Variants in MAST2 observed in about 807,000 individuals in gnomAD.
MAST2 encodes microtubule-associated serine/threonine-protein kinase 2.
A neutral mutation model predicts 147.4 loss-of-function variants in MAST2; 70 were observed. The ratio of observed to expected loss-of-function variants is 0.47; its 90% CI spans 0.39 to 0.58. MAST2 has a LOEUF of 0.58. Among genes scored for constraint, MAST2 ranks in the 20% least tolerant of loss-of-function variants. The probability of loss-of-function intolerance (pLI) is 0.00; values close to 1 mark genes in which losing one functional copy is unlikely to be tolerated. For synonymous variants in MAST2, 869 were observed against 896.8 expected (o/e 0.97, Z 0.55); for missense variants, 2,080 against 2,302.3 (o/e 0.90, Z 1.98).
chr1:45,940,920 A>G (rs971983510), intron 4 of MAST2, among the ~76,000 whole-genome samples: 1 of 152,110 alleles, frequency 6.6e-6, no homozygotes, highest in South Asian at 2.1e-4. Flanking sequence ...CGCCTGGCCT[A>G]TGAGGATTTT....
intron 5 of MAST2, among the ~76,000 whole-genome samples, chr1:45,966,006 A>G (rs1267179868): frequency 6.6e-6 from 1 of 152,224 alleles, no homozygotes; most frequent in Admixed American, 6.5e-5. Context: ...CCTAAAAATT[A>G]TCTGTGCTCT....
chr1:45,975,623 G>A (rs930845482), intron 5 of MAST2, among the ~76,000 whole-genome samples: 7 of 150,832 alleles, frequency 4.6e-5, no homozygotes, highest in South Asian at 2.1e-4. Flanking sequence ...AGTAAGCCGC[G>A]GTCACGCCAC....
chr1:45,960,010 A>G (rs903057542), intron 5 of MAST2, among the ~76,000 whole-genome samples: 2 of 152,104 alleles, frequency 1.3e-5, no homozygotes, highest in Non-Finnish European at 2.9e-5. Flanking sequence ...GGCTCGAGTG[A>G]TCCTCCCACC....
At chr1:45,838,074 C>T (rs886939559) in intron 3 of MAST2, among the ~76,000 whole-genome samples, 3 of 151,914 alleles carry the variant, frequency 2.0e-5, no homozygotes, top group Non-Finnish European at 2.9e-5. Context: ...CCACCGCACC[C>T]GGCTATCATT....
At chr1:46,024,728 G>A (rs1273757772) in intron 15 of MAST2, among the ~76,000 whole-genome samples, 1 of 152,164 alleles carries the variant, frequency 6.6e-6, no homozygotes, top group Non-Finnish European at 1.5e-5. Context: ...AAAAGTAATT[G>A]CATGTTTGCC....
At chr1:45,947,550 C>T (rs1658248361) in intron 4 of MAST2, among the ~76,000 whole-genome samples, 1 of 152,026 alleles carries the variant, frequency 6.6e-6, no homozygotes, top group African/African-American at 2.4e-5. Flanking sequence ...GGACCCAAAT[C>T]AGAGAGAGAA....
chr1:45,929,173 ATTAAC>A (rs1654883969), intron 4 of MAST2, among the ~76,000 whole-genome samples: 1 of 152,070 alleles, frequency 6.6e-6, no homozygotes, highest in Non-Finnish European at 1.5e-5. Flanking sequence ...CCTTCCCTTT[ATTAAC>A]TACAGTACTT....
chr1:45,959,473 C>A lies in MAST2; in HGVS notation c.588C>A (p.His196Gln). The A allele has an allele frequency of 6.2e-7, 1 of 1,613,164 alleles. No homozygotes were observed. The highest frequency in any genetic ancestry group is 8.5e-7 in the Non-Finnish European group (1 of 1,179,360). The change falls in exon 5 of 29, where the codon CAC becomes CAA. Residue 196 changes from histidine to glutamine, a missense_variant. His to Gln is a conservative substitution (Grantham distance 24, BLOSUM62 0). Coordinates refer to ENST00000361297, the MANE Select transcript of MAST2 (RefSeq NM_015112.3). ...LPRPHSPLHG[H>Q]TGNSPLDSPR... ...GGCCACACTCACCACTCCATGGCCA[C>A]ACAGGTGAGTGCTTGAAGGTTAAGA...
chr1:45,863,108 A>C (rs1404363531), intron 3 of MAST2, among the ~76,000 whole-genome samples: 1 of 152,224 alleles, frequency 6.6e-6, no homozygotes, highest in Non-Finnish European at 1.5e-5. Context: ...TTCTTGAATT[A>C]GTAAATGAAT....
intron 9 of MAST2, among the ~76,000 whole-genome samples, chr1:46,008,630 TATC>T (rs1232436741): frequency 6.6e-6 from 1 of 152,012 alleles, no homozygotes; most frequent in Non-Finnish European, 1.5e-5. Context: ...GAAGTAGAGT[TATC>T]CAGAGGGGAA....
chr1:46,009,734 C>T (rs544486555), intron 9 of MAST2, among the ~76,000 whole-genome samples: 1 of 152,212 alleles, frequency 6.6e-6, no homozygotes, highest in Admixed American at 6.5e-5. Flanking sequence ...GTTAAGATTC[C>T]TTCACTTCCT....
chr1:46,022,113 G>T (rs1454475733), intron 12 of MAST2, 31 bp downstream of exon 12: 2 of 1,611,444 alleles, frequency 1.2e-6, no homozygotes, highest in Non-Finnish European at 1.7e-6. Flanking sequence ...CTGCAAAGAG[G>T]CCCCACTGCT....
chr1:45,871,803 G>T (rs1453386726), intron 3 of MAST2, among the ~76,000 whole-genome samples: 1 of 152,186 alleles, frequency 6.6e-6, no homozygotes, highest in African/African-American at 2.4e-5. Flanking sequence ...AGCCCAAGCA[G>T]TGTTATTTAT....
At chr1:45,806,998 A>G (rs1218382292) in intron 1 of MAST2, among the ~76,000 whole-genome samples, 2 of 152,178 alleles carry the variant, frequency 1.3e-5, no homozygotes, top group Non-Finnish European at 2.9e-5. Flanking sequence ...ATGAGTGCCC[A>G]GTTTGTTTTT....
intron 5 of MAST2, among the ~76,000 whole-genome samples, chr1:45,989,870 C>A (rs1386176006): frequency 6.6e-6 from 1 of 152,156 alleles, no homozygotes; most frequent in Non-Finnish European, 1.5e-5. Context: ...TTTCACTTAG[C>A]AATATGCCTT....
At chr1:45,990,347 G>A (rs930980870) in intron 5 of MAST2, among the ~76,000 whole-genome samples, 3 of 152,070 alleles carry the variant, frequency 2.0e-5, no homozygotes, top group Non-Finnish European at 2.9e-5. Context: ...TCTTTGGTGA[G>A]GTGGCTGTTC....
chr1:45,959,744 CTCTGTTCTAG>C (rs902607695), intron 5 of MAST2, among the ~76,000 whole-genome samples: 3 of 152,018 alleles, frequency 2.0e-5, no homozygotes, highest in Admixed American at 6.6e-5. Flanking sequence ...GGTTTATGGC[CTCTGTTCTAG>C]TGTGTTCTAG....
At position 46,013,815 on chromosome 1, in the gene MAST2, A is replaced by G. The variant is rs531120226; in HGVS notation, c.1188+2876A>G. Among the ~76,000 whole-genome samples, 11 of 152,322 alleles carry G rather than the reference A, an allele frequency of 7.2e-5. No homozygotes were observed. In the South Asian group the frequency reaches 2.3e-3, roughly 32 times the overall value. On this transcript the variant is annotated intron_variant, in intron 10 of 28. Coordinates refer to ENST00000361297, the MANE Select transcript of MAST2 (RefSeq NM_015112.3). ...GTGGTATGCATGAACAGCCAAGAGA[A>G]CATGTTAAAGACAGCAATTCTTTTT...
intron 2 of MAST2, among the ~76,000 whole-genome samples, chr1:45,828,299 T>G (rs972354560): frequency 6.6e-6 from 1 of 152,212 alleles, no homozygotes; most frequent in Non-Finnish European, 1.5e-5. Flanking sequence ...TTTTCATGAC[T>G]AAGATTTTAC....
Sources: allele counts gnomAD v4.1 joint callset (sites outside exome capture counted in the v4.1 genomes callset), GRCh38; gene constraint gnomAD v4.1.1; transcripts MANE v1.5; gene names NCBI Gene and HGNC (gene_info 2026-07-23, HGNC 2026-07-21).